The following FUBP3 variants were observed in gnomAD, a reference collection of about 807,000 sequenced individuals.
FUBP3 encodes far upstream element-binding protein 3.
A neutral mutation model predicts 85.6 loss-of-function variants in FUBP3; 28 were observed. The ratio of observed to expected loss-of-function variants is 0.33; its 90% CI spans 0.24 to 0.45. The LOEUF is 0.45. FUBP3 is among the 20% of genes least tolerant of loss of function. The pLI is 1.00. For missense variants in FUBP3, 583 were observed against 755.1 expected (o/e 0.77, Z 2.67); for synonymous variants, 271 against 271.4 (o/e 1.00, Z 0.01).
intron 2 of FUBP3, among the ~76,000 whole-genome samples, chr9:130,603,988 C>T (rs35638223): frequency 6.0e-4 from 92 of 152,170 alleles, no homozygotes; most frequent in Non-Finnish European, 1.0e-3. Flanking sequence ...AAACAGCCCA[C>T]GTGTCCTTCA....
chr9:130,589,745 T>C (rs1467706550), intron 1 of FUBP3, among the ~76,000 whole-genome samples: 1 of 132,586 alleles, frequency 7.5e-6, no homozygotes, highest in Non-Finnish European at 1.6e-5. Flanking sequence ...CAGGGTCTTG[T>C]ACCTGCACAG....
intron 2 of FUBP3, among the ~76,000 whole-genome samples, chr9:130,602,114 A>G (rs1831187362): frequency 6.6e-6 from 1 of 152,044 alleles, no homozygotes. Context: ...CCTAATTTTT[A>G]AATTGTACAC....
chr9:130,595,403 T>C, intron 1 of FUBP3, 80 bp from the exon 2 acceptor site: 1 of 801,738 alleles, frequency 1.2e-6, no homozygotes, highest in South Asian at 1.4e-5. Context: ...ATAATAGCCC[T>C]TTAAAGAGGA....
chr9:130,584,250 G>A (rs1405031490), intron 1 of FUBP3, among the ~76,000 whole-genome samples: 1 of 152,156 alleles, frequency 6.6e-6, no homozygotes, highest in Non-Finnish European at 1.5e-5. Flanking sequence ...ATTTTTGGCT[G>A]GGCACGGTGG....
At chr9:130,618,196 TGTGTG>T (rs1832105994) in intron 8 of FUBP3, among the ~76,000 whole-genome samples, 1 of 152,212 alleles carries the variant, frequency 6.6e-6, no homozygotes, top group East Asian at 1.9e-4. Context: ...TGTTTTGGAC[TGTGTG>T]TGTGCAGAAC....
At position 130,623,634 on chromosome 9, in the gene FUBP3, G is replaced by C; in HGVS notation, c.898G>C (p.Ala300Pro). The change falls in exon 11 of 19, where the codon GCT becomes CCT. Residue 300 changes from alanine (A) to proline (P), a missense_variant. Physicochemically the swap from Ala to Pro is conservative, Grantham distance 27 (BLOSUM62 -1). Transcript: ENST00000319725. ...KPDDGISPERAAQVMGPPDRC... is the reference protein window; with the variant it reads ...KPDDGISPERPAQVMGPPDRC... ...AGATGATGGGATTAGTCCAGAAAGA[G>C]CTGCCCAGGTCATGGGCCCTCCGGA... 6.2e-7 allele frequency: 1 copy of C among 1,613,484 alleles called. No homozygotes were observed.
chr9:130,632,052 A>G, intron 15 of FUBP3, 30 bp downstream of exon 15: 1 of 1,541,608 alleles, frequency 6.5e-7, no homozygotes, highest in Non-Finnish European at 9.0e-7. Context: ...TCAGTTGGGG[A>G]CAGACGGCAC....
intron 1 of FUBP3, among the ~76,000 whole-genome samples, chr9:130,585,917 C>T (rs1223088009): frequency 6.6e-6 from 1 of 152,172 alleles, no homozygotes; most frequent in Non-Finnish European, 1.5e-5. Flanking sequence ...TCTGTGTAGT[C>T]TTTATTCTGA....
In FUBP3 at chr9:130,609,932, TTTCTC is replaced by T; in HGVS notation, c.191-19_191-15del. On this transcript the variant is annotated splice_polypyrimidine_tract_variant and intron_variant, in intron 2 of 18. Coordinates refer to ENST00000319725, the MANE Select transcript of FUBP3 (RefSeq NM_003934.2). The stretch of plus-strand genomic sequence containing the variant: ...TCCGTGCTAATGCTTTGATTTTTTT[TTTCTC>T]TTTCTCTTTGCCACAGTAGGTAACC... 1 of 1,595,828 alleles carries T rather than the reference TTTCTC, an allele frequency of 6.3e-7. No individual in the cohort carries two copies. The highest frequency in any genetic ancestry group is 8.6e-7 in the Non-Finnish European group (1 of 1,165,092).
intron 1 of FUBP3, among the ~76,000 whole-genome samples, chr9:130,594,603 A>G (rs8181197): frequency 6.6e-6 from 1 of 151,804 alleles, no homozygotes; most frequent in Non-Finnish European, 1.5e-5. Flanking sequence ...AATAAATTTT[A>G]AAAAATTTAG....
Position 130,612,871 on chromosome 9 carries a change from C to A in FUBP3, c.275-85C>A. On this transcript the variant is annotated intron_variant, in intron 4 of 18. Coordinates refer to ENST00000319725, the MANE Select transcript of FUBP3 (RefSeq NM_003934.2). This position sits in a 1 kb window ranked among gnomAD's most constrained non-coding sequence, Gnocchi z 4.1. The stretch of plus-strand genomic sequence containing the variant: ...GTGTAGTATTGTGAGCCAAGTGTCA[C>A]AGTTTGTGGAATTAATTCAGTCATT... 2 of 925,446 alleles carry A rather than the reference C, an allele frequency of 2.2e-6. No homozygotes were observed. The highest frequency in any genetic ancestry group is 3.6e-5 in the Admixed American group (2 of 55,492). The allele number at this position is 925,446 out of a possible 1,614,324, so 57.3% of individuals were successfully genotyped here. A position where few individuals can be genotyped will look rare whatever the true frequency, so the allele number is the denominator to read the frequency against.
intron 10 of FUBP3, 144 bp downstream of exon 10, chr9:130,622,954 T>C: frequency 2.3e-6 from 1 of 442,390 alleles, no homozygotes; most frequent in African/African-American, 2.0e-5. Flanking sequence ...AACATCCTGC[T>C]ACCAGATGAC....
chr9:130,623,744 G>A, intron 11 of FUBP3, 33 bp downstream of exon 11: 1 of 1,454,142 alleles, frequency 6.9e-7, no homozygotes, highest in South Asian at 1.1e-5. Flanking sequence ...TGAGTGTTTG[G>A]GCTGCAGAAG....
chr9:130,606,664 T>TA (rs1299286168), intron 2 of FUBP3, among the ~76,000 whole-genome samples: 1 of 151,872 alleles, frequency 6.6e-6, no homozygotes, highest in Non-Finnish European at 1.5e-5. Flanking sequence ...CTACTAAAAA[T>TA]ACAAAATTAG....
intron 13 of FUBP3, chr9:130,631,151 C>A: frequency 8.7e-7 from 1 of 1,149,650 alleles, no homozygotes; most frequent in Non-Finnish European, 1.1e-6. Context: ...TTCATTGACT[C>A]TGGCTTTAGT....
At chr9:130,633,171 CA>C (rs1339719733) in intron 16 of FUBP3, among the ~76,000 whole-genome samples, 2 of 152,244 alleles carry the variant, frequency 1.3e-5, no homozygotes, top group Admixed American at 1.3e-4. Flanking sequence ...CATGTAAAAT[CA>C]AGGGTTTGGG....
At chr9:130,596,815 G>A (rs966100651) in intron 2 of FUBP3, among the ~76,000 whole-genome samples, 8 of 152,010 alleles carry the variant, frequency 5.3e-5, no homozygotes, top group African/African-American at 1.7e-4. Flanking sequence ...ATATTTATGG[G>A]GTACATGAGA....
At chr9:130,594,869 C>CTTTTTT (rs10710760) in intron 1 of FUBP3, among the ~76,000 whole-genome samples, 6 of 129,322 alleles carry the variant, frequency 4.6e-5, no homozygotes, top group African/African-American at 5.7e-5. Flanking sequence ...TGTTGGCTTG[C>CTTTTTT]TTTTTTTTTT....
intron 6 of FUBP3, 121 bp downstream of exon 6, chr9:130,614,466 A>G: frequency 1.7e-6 from 1 of 602,396 alleles, no homozygotes; most frequent in East Asian, 2.8e-5. Context: ...CCACACAGGT[A>G]GATAATTCCA....
Sources: allele counts gnomAD v4.1 joint callset (sites outside exome capture counted in the v4.1 genomes callset), GRCh38; gene constraint gnomAD v4.1.1; non-coding constraint Gnocchi (gnomAD v3.1); transcripts MANE v1.5; gene names NCBI Gene and HGNC (gene_info 2026-07-23, HGNC 2026-07-21).